UBE2F: variants seen among roughly 807,000 people sequenced by gnomAD.
UBE2F encodes the protein NEDD8-conjugating enzyme UBE2F.
In UBE2F, 5 loss-of-function variants were observed where a neutral mutation model predicts 29.6. That is an observed-to-expected ratio of 0.17 (90% CI 0.09 to 0.36). The LOEUF (loss-of-function observed/expected upper bound fraction) is 0.36, where lower values mean the gene tolerates loss of function less well. Among genes scored for constraint, UBE2F ranks in the 10% least tolerant of loss-of-function variants. UBE2F has a pLI of 1.00. For synonymous variants in UBE2F, 66 were observed against 81.8 expected (o/e 0.81, Z 1.04); for missense variants, 141 against 228.5 (o/e 0.62, Z 2.47).
At chr2:238,001,940 A>T (rs1223828873) in intron 4 of UBE2F, among the ~76,000 whole-genome samples, 1 of 152,214 alleles carries the variant, frequency 6.6e-6, no homozygotes, top group African/African-American at 2.4e-5. Context: ...ATAAACGTGC[A>T]GCTTACATTG....
intron 1 of UBE2F, 31 bp from the exon 2 acceptor site, chr2:237,973,061 C>T: frequency 6.3e-7 from 1 of 1,584,846 alleles, no homozygotes; most frequent in Non-Finnish European, 8.6e-7. Context: ...GAGACCTGGT[C>T]CTTAACCCTG....
rs1225442637 is a variant in UBE2F, at chr2:237,982,859, C to G, written c.119-5104C>G. On this transcript the variant is annotated intron_variant, in intron 2 of 9. Coordinates refer to ENST00000272930, the MANE Select transcript of UBE2F (RefSeq NM_080678.3). This position sits in a 1 kb window ranked among gnomAD's most constrained non-coding sequence, Gnocchi z 4.1. Reference sequence around the variant, plus strand: ...TTCTGTTGTCTTTCTCCATCCTCTGCCTTTCCCATACATTGCTCTAAGGAA... The same window carrying G: ...TTCTGTTGTCTTTCTCCATCCTCTGGCTTTCCCATACATTGCTCTAAGGAA... Among the ~76,000 whole-genome samples, 9 of 152,152 alleles carry G rather than the reference C, an allele frequency of 5.9e-5. No individual in the cohort carries two copies. Among genetic ancestry groups the G allele is most frequent in the Non-Finnish European group, 1.2e-4 (8 of 68,026 alleles).
chr2:237,999,975 C>T (rs2063763121), intron 4 of UBE2F, among the ~76,000 whole-genome samples: 1 of 152,052 alleles, frequency 6.6e-6, no homozygotes, highest in Admixed American at 6.6e-5. Context: ...CAGGTGCACA[C>T]CACCATACCC....
intron 5 of UBE2F, among the ~76,000 whole-genome samples, chr2:238,022,267 T>G (rs1391686634): frequency 6.6e-6 from 1 of 151,720 alleles, no homozygotes; most frequent in African/African-American, 2.4e-5. Context: ...CCTCCTGGAT[T>G]CAAGCATTAT....
At chr2:238,028,099 T>C (rs1317706861) in intron 6 of UBE2F, among the ~76,000 whole-genome samples, 1 of 152,258 alleles carries the variant, frequency 6.6e-6, no homozygotes, top group African/African-American at 2.4e-5. Flanking sequence ...TCTCCTGAGC[T>C]GTTGCTGGGA....
intron 2 of UBE2F, chr2:237,986,231 C>T (rs2106340781): frequency 3.1e-6 from 1 of 325,418 alleles, no homozygotes; most frequent in Non-Finnish European, 6.0e-6. Flanking sequence ...CTTACTGCAG[C>T]CTCGACTTCC....
At chr2:237,974,501 G>GTTTTTTTTTTT (rs370519965) in intron 2 of UBE2F, among the ~76,000 whole-genome samples, 1 of 108,582 alleles carries the variant, frequency 9.2e-6, no homozygotes. Context: ...AATTTTTGTG[G>GTTTTTTTTTTT]TTTTTTTTTT....
At chr2:238,013,581 A>T (rs1028644084) in intron 4 of UBE2F, among the ~76,000 whole-genome samples, 1 of 152,192 alleles carries the variant, frequency 6.6e-6, no homozygotes, top group African/African-American at 2.4e-5. Context: ...CGTTGTCCAC[A>T]GATTTGTTAC....
At chr2:238,020,235 G>A (rs2064261793) in intron 5 of UBE2F, among the ~76,000 whole-genome samples, 1 of 152,210 alleles carries the variant, frequency 6.6e-6, no homozygotes, top group South Asian at 2.1e-4. Context: ...TGTGTAGCTT[G>A]TGCCTGCCAT....
intron 5 of UBE2F, among the ~76,000 whole-genome samples, chr2:238,019,813 C>T (rs2064250747): frequency 6.6e-6 from 1 of 151,916 alleles, no homozygotes; most frequent in Non-Finnish European, 1.5e-5. Context: ...GTGCCTGCCA[C>T]CACACCCGGC....
chr2:237,970,396 T>C (rs903433446), intron 1 of UBE2F, among the ~76,000 whole-genome samples: 1 of 152,154 alleles, frequency 6.6e-6, no homozygotes, highest in African/African-American at 2.4e-5. Context: ...AAAAACATTT[T>C]TGTCATCCAC....
At chr2:237,992,178 A>T in intron 3 of UBE2F, among the ~76,000 whole-genome samples, 1 of 152,118 alleles carries the variant, frequency 6.6e-6, no homozygotes, top group East Asian at 1.9e-4. Context: ...TAATTTCTTT[A>T]TTCTTGATGG....
intron 6 of UBE2F, 128 bp from the exon 7 acceptor site, chr2:238,030,428 C>T (rs1050005817): frequency 1.4e-5 from 9 of 639,448 alleles, no homozygotes; most frequent in Middle Eastern, 3.7e-4. Context: ...ACTGAGAAGC[C>T]ACAGAGGAAA....
At chr2:238,041,100 G>C (rs1358369867) in intron 9 of UBE2F, among the ~76,000 whole-genome samples, 188 bp from the exon 10 acceptor site, 1 of 152,074 alleles carries the variant, frequency 6.6e-6, no homozygotes, top group Non-Finnish European at 1.5e-5. Flanking sequence ...ACTGTGTCTT[G>C]CGTGCAGTAG....
chr2:237,968,265 C>T (rs56211495), intron 1 of UBE2F, among the ~76,000 whole-genome samples: 1 of 152,086 alleles, frequency 6.6e-6, no homozygotes, highest in African/African-American at 2.4e-5. Context: ...GAGGACCCCC[C>T]ACCTGGACAT....
chr2:238,002,155 C>T (rs1455267432), intron 4 of UBE2F, among the ~76,000 whole-genome samples: 1 of 151,610 alleles, frequency 6.6e-6, no homozygotes, highest in African/African-American at 2.4e-5. Flanking sequence ...ACCTCTGCCT[C>T]CCAGGTTCAA....
At chr2:238,014,822 C>CT (rs1413767714) in intron 4 of UBE2F, among the ~76,000 whole-genome samples, 2 of 152,210 alleles carry the variant, frequency 1.3e-5, no homozygotes, top group Admixed American at 1.3e-4. Context: ...GATATGTACT[C>CT]TGAGTATTTT....
Position 237,999,923 on chromosome 2 carries a change from C to T in UBE2F, c.214+5114C>T, listed in dbSNP as rs1009329172. 5.3e-5 allele frequency among the ~76,000 whole-genome samples: 8 copies of T among 150,078 alleles called. No homozygotes were observed. In the East Asian group the frequency reaches 9.7e-4, roughly 18 times the overall value. On this transcript the variant is annotated intron_variant, in intron 4 of 9. Transcript: ENST00000272930. Reference sequence around the variant, plus strand: ...CACTGCAACCTCCACCTCCCAGGTTCGAGCGATTCTCCTGCCTCAGCCTCC... The same window carrying T: ...CACTGCAACCTCCACCTCCCAGGTTTGAGCGATTCTCCTGCCTCAGCCTCC...
At chr2:237,983,972 A>G (rs558528281) in intron 2 of UBE2F, among the ~76,000 whole-genome samples, 4 of 152,002 alleles carry the variant, frequency 2.6e-5, no homozygotes, top group African/African-American at 7.2e-5. Flanking sequence ...ATCACTTTGC[A>G]GGAACCCCTC....
Sources: gnomAD v4.1 joint callset for allele counts (sites outside exome capture counted in the v4.1 genomes callset) on GRCh38, gnomAD v4.1.1 for gene constraint, Gnocchi (gnomAD v3.1) non-coding constraint, MANE v1.5 for transcripts, NCBI Gene and HGNC (gene_info 2026-07-23, HGNC 2026-07-21) for gene names.